Variants in CEP95 observed in about 807,000 individuals in gnomAD.
CEP95 encodes centrosomal protein 95.
CEP95 carries 98 observed loss-of-function variants against 111.2 expected under a neutral mutation model. That is an observed-to-expected ratio of 0.88 (90% CI 0.75 to 1.04). The LOEUF (loss-of-function observed/expected upper bound fraction) is 1.04. Among genes scored for constraint, CEP95 ranks in the 50% least tolerant of loss-of-function variants. The probability of loss-of-function intolerance (pLI) is 0.00; values close to 1 mark genes in which losing one functional copy is unlikely to be tolerated. For missense variants in CEP95, 1,027 were observed against 977.2 expected (o/e 1.05, Z -0.68); for synonymous variants, 323 against 327.1 (o/e 0.99, Z 0.14).
chr17:64,516,898 G>C (rs1321763612), intron 5 of CEP95, 70 bp downstream of exon 5: 1 of 855,428 alleles, frequency 1.2e-6, no homozygotes, highest in African/African-American at 1.7e-5. Flanking sequence ...AAAATCACAC[G>C]TAATATACCA....
rs181027685 is a variant in CEP95, at chr17:64,530,183, C to T, written c.1447-743C>T. 6.1e-4 allele frequency among the ~76,000 whole-genome samples: 93 copies of T among 152,126 alleles called. 1 individual carries two copies. Among genetic ancestry groups the T allele is most frequent in the African/African-American group, 2.2e-3 (91 of 41,504 alleles). On this transcript the variant is annotated intron_variant, in intron 12 of 19. Transcript: ENST00000556440. The stretch of plus-strand genomic sequence containing the variant: ...GGTGGATCACCTGAGGTCGGGAGTT[C>T]GAGACCAGCCTGGCCAACATGTTGA...
At chr17:64,529,171 G>T in intron 11 of CEP95, 117 bp from the exon 12 acceptor site, 5 of 827,628 alleles carry the variant, frequency 6.0e-6, no homozygotes, top group Non-Finnish European at 9.3e-6. Context: ...ACAGGAGAGA[G>T]TCCCTTTAGC....
intron 2 of CEP95, among the ~76,000 whole-genome samples, chr17:64,509,897 C>G (rs555822567): frequency 1.9e-4 from 28 of 150,952 alleles, no homozygotes; most frequent in Non-Finnish European, 3.7e-4. Flanking sequence ...TCATGTATAT[C>G]TATATATCTA....
intron 6 of CEP95, among the ~76,000 whole-genome samples, chr17:64,520,150 G>C (rs975765584): frequency 7.2e-5 from 11 of 151,968 alleles, no homozygotes; most frequent in African/African-American, 2.7e-4. Flanking sequence ...CAGATGGATT[G>C]ATTGGGAATG....
In CEP95 at chr17:64,516,498, A is replaced by G. The variant is rs574766373; in HGVS notation, c.368-225A>G. ...TAAAAAATAAAACATTGCTCATACA[A>G]CTGTAGACCCTGTTTTTAAAGCAAT... is the stretch of plus-strand genomic sequence containing the variant. On this transcript the variant is annotated intron_variant, in intron 4 of 19. Coordinates refer to ENST00000556440, the MANE Select transcript of CEP95 (RefSeq NM_138363.3). Among the ~76,000 whole-genome samples, 3 of 152,290 alleles carry G rather than the reference A, an allele frequency of 2.0e-5. No individual in the cohort carries two copies. In the South Asian group the frequency reaches 6.2e-4, roughly 32 times the overall value.
chr17:64,529,600 TATACTC>T (rs1968119233), intron 12 of CEP95, among the ~76,000 whole-genome samples, 173 bp downstream of exon 12: 1 of 152,182 alleles, frequency 6.6e-6, no homozygotes, highest in Non-Finnish European at 1.5e-5. Flanking sequence ...AGCATAAAAT[TATACTC>T]ATGAAACTCT....
At chr17:64,537,008 TATA>T (rs1369589688) in intron 18 of CEP95, 30 bp from the exon 19 acceptor site, 23 of 1,561,560 alleles carry the variant, frequency 1.5e-5, no homozygotes, top group African/African-American at 4.1e-5. Flanking sequence ...AAACATTAAA[TATA>T]ATATTTGTTT....
At chr17:64,515,129 T>C (rs1176659222) in intron 4 of CEP95, among the ~76,000 whole-genome samples, 1 of 152,218 alleles carries the variant, frequency 6.6e-6, no homozygotes, top group Non-Finnish European at 1.5e-5. Flanking sequence ...TTGAAAAGTC[T>C]GCCACACTGG....
At chr17:64,536,972 A>G (rs1968697160) in intron 18 of CEP95, 69 bp from the exon 19 acceptor site, 1 of 1,441,848 alleles carries the variant, frequency 6.9e-7, no homozygotes, top group Non-Finnish European at 9.5e-7. Flanking sequence ...GCCTGTGAAC[A>G]TTAAGAAATG....
chr17:64,526,764 C>T (rs544139164), intron 10 of CEP95, among the ~76,000 whole-genome samples: 51 of 152,176 alleles, frequency 3.4e-4, no homozygotes, highest in African/African-American at 1.2e-3. Context: ...AGTTTGAGAC[C>T]AGCCTGGGCA....
intron 1 of CEP95, chr17:64,508,285 A>G: frequency 1.0e-6 from 1 of 988,440 alleles, no homozygotes; most frequent in Non-Finnish European, 1.2e-6. Context: ...TTTAACTAAA[A>G]ACACCCATGT....
rs192102697 is a variant in CEP95 at position 64,537,772 on chromosome 17, C to T, written c.2459C>T (p.Ser820Phe). Residue 820 changes from serine (S) to phenylalanine (F), a missense_variant, in exon 20 of 20, where the codon TCC becomes TTC. By Grantham distance (155) the Ser-to-Phe change is radical. Transcript: ENST00000556440. ...LASFQYSKSPSL is the reference protein window; with the variant it reads ...LASFQYSKSPFL ...TCCTTTCAGTACAGTAAAAGTCCCTCCCTATGAGGCCAGACTTGATAATAG... is the reference window on the plus strand; with the variant it reads ...TCCTTTCAGTACAGTAAAAGTCCCTTCCTATGAGGCCAGACTTGATAATAG... The T allele has an allele frequency of 1.3e-6, 2 of 1,587,408 alleles. No homozygotes were observed. Among genetic ancestry groups the T allele is most frequent in the Non-Finnish European group, 1.7e-6 (2 of 1,165,742 alleles).
intron 19 of CEP95, 183 bp downstream of exon 19, chr17:64,537,295 A>C: frequency 7.1e-7 from 1 of 1,405,918 alleles, no homozygotes; most frequent in Non-Finnish European, 9.4e-7. Flanking sequence ...TCATTTAATG[A>C]TGCATTTCTT....
intron 19 of CEP95, chr17:64,537,321 C>T: frequency 7.1e-7 from 1 of 1,401,742 alleles, no homozygotes; most frequent in Non-Finnish European, 9.3e-7. Flanking sequence ...ATATCTCCAT[C>T]ATTAAGTGAC....
chr17:64,525,657 G>A (rs1224004945), intron 8 of CEP95, 113 bp from the exon 9 acceptor site: 5 of 633,578 alleles, frequency 7.9e-6, no homozygotes, highest in African/African-American at 1.9e-5. Context: ...TTCAAAACAC[G>A]GAGATTGAAG....
rs782525742 is a variant in CEP95 at position 64,522,883 on chromosome 17, G to A, written c.897G>A (p.Thr299=). The A allele has an allele frequency of 4.0e-5, 64 of 1,607,978 alleles. No homozygotes were observed. The Middle Eastern group carries it at 2.1e-3, about 52-fold the overall frequency. Reference sequence around the variant, plus strand: ...CCGTAAATTCTACTGGAGAGCATACGGAATTTTCTGGGGTAAGTGGAAAAG... The same window carrying A: ...CCGTAAATTCTACTGGAGAGCATACAGAATTTTCTGGGGTAAGTGGAAAAG... The part of the protein sequence containing the change: ...SPAVNSTGEH[T]EFSGDLDDGL... The change falls in exon 8 of 20, where the codon ACG becomes ACA. Residue 299 remains threonine (T), a synonymous_variant. Transcript: ENST00000556440.
At chr17:64,516,564 C>T (rs1430512977) in intron 4 of CEP95, among the ~76,000 whole-genome samples, 159 bp from the exon 5 acceptor site, 1 of 152,174 alleles carries the variant, frequency 6.6e-6, no homozygotes, top group African/African-American at 2.4e-5. Flanking sequence ...ATGCTCATTA[C>T]AGGTGATTTG....
At position 64,516,715 on chromosome 17, in the gene CEP95, C is replaced by T. The variant is rs1966887107; in HGVS notation, c.368-8C>T. On this transcript the variant is annotated splice_region_variant and splice_polypyrimidine_tract_variant and intron_variant, in intron 4 of 19. Transcript: ENST00000556440. ...TTTTTTGGTATTGTTTTTATCTGTT[C>T]TGAACAGGTGAAACTGAACAGTATT... 6 of 1,569,612 alleles carry T rather than the reference C, an allele frequency of 3.8e-6. No individual in the cohort carries two copies. The highest frequency in any genetic ancestry group is 5.3e-6 in the Non-Finnish European group (6 of 1,141,982).
At chr17:64,509,987 C>T (rs1472920585) in intron 2 of CEP95, among the ~76,000 whole-genome samples, 186 bp from the exon 3 acceptor site, 1 of 152,076 alleles carries the variant, frequency 6.6e-6, no homozygotes, top group Non-Finnish European at 1.5e-5. Context: ...TCAATAAATA[C>T]TCAACCAGTA....
Sources: gnomAD v4.1 joint callset for allele counts (sites outside exome capture counted in the v4.1 genomes callset) on GRCh38, gnomAD v4.1.1 for gene constraint, MANE v1.5 for transcripts, NCBI Gene and HGNC (gene_info 2026-07-23, HGNC 2026-07-21) for gene names.